Variants in STRBP observed in about 807,000 individuals in gnomAD.
STRBP encodes the protein spermatid perinuclear RNA binding protein.
Under a neutral mutation model 80.1 loss-of-function variants are expected in STRBP, and 13 were observed. The observed-to-expected ratio is 0.16, with a 90% CI of 0.11 to 0.26. The LOEUF (loss-of-function observed/expected upper bound fraction) is 0.26, where lower values mean the gene tolerates loss of function less well. STRBP is among the 10% of genes least tolerant of loss of function. STRBP has a pLI of 1.00. For missense variants in STRBP, 485 were observed against 815.2 expected (o/e 0.59, Z 4.93); for synonymous variants, 284 against 291.2 (o/e 0.98, Z 0.25).
At chr9:123,212,254 T>C (rs2039736228) in intron 2 of STRBP, among the ~76,000 whole-genome samples, 1 of 152,192 alleles carries the variant, frequency 6.6e-6, no homozygotes, top group African/African-American at 2.4e-5. Context: ...TTTTGTCATT[T>C]CCAATACGGT....
At chr9:123,244,816 G>A (rs1015335712) in intron 1 of STRBP, among the ~76,000 whole-genome samples, 8 of 152,164 alleles carry the variant, frequency 5.3e-5, no homozygotes, top group Non-Finnish European at 1.0e-4. Flanking sequence ...TTATCCCAAA[G>A]AAATGGAAAA....
chr9:123,160,305 T>C, intron 8 of STRBP, 62 bp downstream of exon 8: 2 of 1,242,696 alleles, frequency 1.6e-6, no homozygotes, highest in South Asian at 1.7e-5. Context: ...AACATCTCAT[T>C]TCTACAGGAT....
intron 17 of STRBP, among the ~76,000 whole-genome samples, chr9:123,131,291 T>G (rs1203255934): frequency 6.6e-6 from 1 of 152,150 alleles, no homozygotes; most frequent in Non-Finnish European, 1.5e-5. Flanking sequence ...CATCAAGACT[T>G]AACACTGTGC....
chr9:123,184,704 C>A (rs568144538), intron 2 of STRBP, among the ~76,000 whole-genome samples: 1 of 152,336 alleles, frequency 6.6e-6, no homozygotes, highest in South Asian at 2.1e-4. Flanking sequence ...GAAAATACAA[C>A]AATACCAATG....
At chr9:123,254,502 C>T (rs1023346000) in intron 1 of STRBP, among the ~76,000 whole-genome samples, 13 of 150,782 alleles carry the variant, frequency 8.6e-5, no homozygotes, top group African/African-American at 3.2e-4. Context: ...AAGAAATCTA[C>T]CTCTTGCCCC....
At chr9:123,168,449 C>A (rs1294661922) in intron 6 of STRBP, among the ~76,000 whole-genome samples, 1 of 152,202 alleles carries the variant, frequency 6.6e-6, no homozygotes, top group Admixed American at 6.5e-5. Flanking sequence ...TTAGTTATCC[C>A]AAAAAGCATT....
chr9:123,145,298 C>A (rs2036766478), intron 13 of STRBP, among the ~76,000 whole-genome samples: 1 of 152,140 alleles, frequency 6.6e-6, no homozygotes, highest in Admixed American at 6.5e-5. Context: ...GAATTGAAGA[C>A]AAAAGCAAAT....
chr9:123,175,923 T>C (rs924894931), intron 4 of STRBP, among the ~76,000 whole-genome samples: 2 of 152,218 alleles, frequency 1.3e-5, no homozygotes, highest in Admixed American at 6.5e-5. Flanking sequence ...ACACTTACCA[T>C]ATTGGAAAGC....
intron 4 of STRBP, among the ~76,000 whole-genome samples, chr9:123,177,148 G>C (rs2038254367): frequency 6.6e-6 from 1 of 152,136 alleles, no homozygotes; most frequent in Non-Finnish European, 1.5e-5. Flanking sequence ...TATAAGAATA[G>C]AATCTCATTC....
intron 2 of STRBP, among the ~76,000 whole-genome samples, chr9:123,199,912 G>C (rs1402568069): frequency 2.6e-5 from 4 of 152,132 alleles, no homozygotes; most frequent in Non-Finnish European, 5.9e-5. Flanking sequence ...ATGTTTAATA[G>C]GAGTGGTGAA....
chr9:123,131,773 G>A (rs754539281), intron 17 of STRBP, among the ~76,000 whole-genome samples: 1 of 152,150 alleles, frequency 6.6e-6, no homozygotes, highest in Non-Finnish European at 1.5e-5. Context: ...TGCCAAAGCA[G>A]GCACACTCCT....
intron 2 of STRBP, among the ~76,000 whole-genome samples, chr9:123,207,533 C>T (rs1273403783): frequency 6.6e-6 from 1 of 151,842 alleles, no homozygotes; most frequent in Non-Finnish European, 1.5e-5. Context: ...ACAAAAAATT[C>T]AGGAGAGTGG....
intron 2 of STRBP, among the ~76,000 whole-genome samples, chr9:123,226,456 T>C (rs2040239222): frequency 6.6e-6 from 1 of 152,190 alleles, no homozygotes. Context: ...CTAAGCAGAT[T>C]CAAACTCAGG....
In STRBP at chr9:123,115,747, C is replaced by T; in HGVS notation, c.*84+182G>A. Reference sequence around the variant, plus strand: ...ATTTCCTCTTTGCCGTCCACACAACCGGCTTCTTGCTTGAACATGCTGGTT... The same window carrying T: ...ATTTCCTCTTTGCCGTCCACACAACTGGCTTCTTGCTTGAACATGCTGGTT... On this transcript the variant is annotated intron_variant and NMD_transcript_variant, in intron 3 of 3. Coordinates refer to the STRBP transcript ENST00000471564. This position sits in a 1 kb window ranked among gnomAD's most constrained non-coding sequence, Gnocchi z 5.0. 3.0e-6 allele frequency: 1 copy of T among 335,606 alleles called. No individual in the cohort carries two copies. 20.8% of individuals were successfully genotyped at this position (335,606 alleles called of 1,614,324 possible).
rs1000804099 is a variant in STRBP, at chr9:123,122,769, C to T, written c.*2828G>A. 1.7e-5 allele frequency: 17 copies of T among 991,410 alleles called. No homozygotes were observed. The South Asian group carries it at 5.5e-4, about 32-fold the overall frequency. The allele number at this position is 991,410 out of a possible 1,614,324, so 61.4% of individuals were successfully genotyped here. On this transcript the variant is annotated 3_prime_UTR_variant, in exon 19 of 19. Transcript: ENST00000348403. ...GAGAAATTATAGTAACGCTAACTGA[C>T]GCAGTCAGGAATGTAACTATTTATG...
At chr9:123,150,894 T>G (rs994562467) in intron 11 of STRBP, among the ~76,000 whole-genome samples, 1 of 152,214 alleles carries the variant, frequency 6.6e-6, no homozygotes, top group Non-Finnish European at 1.5e-5. Context: ...AAGCCCAGCT[T>G]CAAATTATCT....
intron 2 of STRBP, among the ~76,000 whole-genome samples, chr9:123,205,388 CCTT>C (rs1259915355): frequency 2.0e-5 from 3 of 152,188 alleles, no homozygotes; most frequent in Admixed American, 6.6e-5. Context: ...TCTCAAAAGA[CCTT>C]CTGTTGCCAT....
At chr9:123,158,295 T>C (rs1403001430) in intron 10 of STRBP, 37 bp downstream of exon 10, 4 of 1,599,784 alleles carry the variant, frequency 2.5e-6, no homozygotes, top group African/African-American at 1.3e-5. Flanking sequence ...TTATGTTATT[T>C]CACTAATAAG....
chr9:123,130,711 A>C (rs1471483506), intron 17 of STRBP, among the ~76,000 whole-genome samples: 1 of 152,244 alleles, frequency 6.6e-6, no homozygotes, highest in Non-Finnish European at 1.5e-5. Context: ...AGACTGTCTT[A>C]ATTTTAGACT....
Sources: gnomAD v4.1 joint callset for allele counts (sites outside exome capture counted in the v4.1 genomes callset) on GRCh38, gnomAD v4.1.1 for gene constraint, Gnocchi (gnomAD v3.1) non-coding constraint, MANE v1.5 for transcripts, NCBI Gene and HGNC (gene_info 2026-07-23, HGNC 2026-07-21) for gene names.